Variants in SEPSECS observed in about 807,000 individuals in gnomAD.
SEPSECS encodes O-phosphoseryl-tRNA(Sec) selenium transferase.
SEPSECS carries 42 observed loss-of-function variants against 52.1 expected under a neutral mutation model. The ratio of observed to expected loss-of-function variants is 0.81; its 90% CI spans 0.63 to 1.04. The LOEUF is 1.04. SEPSECS is among the 50% of genes least tolerant of loss of function. SEPSECS has a pLI of 0.00. For missense variants in SEPSECS, 590 were observed against 610.6 expected, an observed-to-expected ratio of 0.97 and a Z score of 0.36; for synonymous variants, 216 against 211.4, an observed-to-expected ratio of 1.02 and a Z score of -0.19.
chr4:25,151,905 T>C (rs183187016), intron 6 of SEPSECS, 55 bp downstream of exon 6: 1 of 940,022 alleles, frequency 1.1e-6, no homozygotes, highest in African/African-American at 1.6e-5. Flanking sequence ...AATAATCCTA[T>C]AATATGTTAA....
At chr4:25,128,699 A>G (rs149558421) in intron 8 of SEPSECS, among the ~76,000 whole-genome samples, 1 of 152,234 alleles carries the variant, frequency 6.6e-6, no homozygotes, top group Non-Finnish European at 1.5e-5. Flanking sequence ...GCCCAACTAC[A>G]TCTGCAGCTA....
rs770368768 is a variant in SEPSECS, at chr4:25,124,168, C to T, written c.1269G>A (p.Met423Ile). ...CACAAGGGTAATTATTTGTATGTGA[C>T]ATAAAGCCTCTGAAAGTATAGCCAC... ...TVSGYTFRGFMSHTNNYPCAY... is the reference protein window; with the variant it reads ...TVSGYTFRGFISHTNNYPCAY... The change falls in exon 11 of 11, where the codon ATG becomes ATA. Residue 423 changes from methionine to isoleucine, a missense_variant. Physicochemically the swap from Met to Ile is conservative, Grantham distance 10. Transcript: ENST00000382103. 1 of 1,613,612 alleles carries T rather than the reference C, an allele frequency of 6.2e-7. No homozygotes were observed. Among genetic ancestry groups the T allele is most frequent in the Non-Finnish European group, 8.5e-7 (1 of 1,179,724 alleles).
At chr4:25,144,751 C>T (rs559312791) in intron 8 of SEPSECS, 23 bp downstream of exon 8, 21 of 1,516,692 alleles carry the variant, frequency 1.4e-5, no homozygotes, top group Admixed American at 1.0e-4. Context: ...GAATGTTATT[C>T]GACACCTAAA....
chr4:25,128,558 G>T lies in SEPSECS; in HGVS notation c.1027-1201C>A, dbSNP rs138258081. Among the ~76,000 whole-genome samples the T allele has an allele frequency of 5.0e-4, 76 of 152,116 alleles. 1 individual carries two copies. The East Asian group carries it at 8.1e-3, about 16-fold the overall frequency. On this transcript the variant is annotated intron_variant, in intron 8 of 10. Coordinates refer to ENST00000382103, the MANE Select transcript of SEPSECS (RefSeq NM_016955.4). ...AATATAATAAAAATGTATTTTACAA[G>T]TATCAAATGTCACATGTATATAAGT...
intron 1 of SEPSECS, chr4:25,159,727 G>A (rs1388618069): frequency 1.2e-6 from 1 of 861,072 alleles, no homozygotes; most frequent in African/African-American, 1.9e-5. Context: ...AGCCGAGATC[G>A]TCACACTGCA....
chr4:25,154,629 T>G (rs1012966579), intron 5 of SEPSECS, among the ~76,000 whole-genome samples: 36 of 152,076 alleles, frequency 2.4e-4, no homozygotes, highest in South Asian at 1.0e-3. Context: ...TTTAATTTAT[T>G]AATACTGATA....
At chr4:25,133,755 C>T (rs532634658) in intron 8 of SEPSECS, among the ~76,000 whole-genome samples, 1 of 151,850 alleles carries the variant, frequency 6.6e-6, no homozygotes, top group Admixed American at 6.6e-5. Flanking sequence ...TTGACTATAT[C>T]CATATAGTTG....
At position 25,120,968 on chromosome 4, in the gene SEPSECS, T is replaced by C. The variant is rs942170048; in HGVS notation, c.*2963A>G. On this transcript the variant is annotated 3_prime_UTR_variant, in exon 11 of 11. Transcript: ENST00000382103. ...CAGTCCTCAATAACAGTTCTTATTATGAGGTGGTTAAAGACACAGAACCAC... is the reference window on the plus strand; with the variant it reads ...CAGTCCTCAATAACAGTTCTTATTACGAGGTGGTTAAAGACACAGAACCAC... The C allele has an allele frequency of 2.0e-5, 3 of 152,152 alleles. No homozygotes were observed. The highest frequency in any genetic ancestry group is 4.4e-5 in the Non-Finnish European group (3 of 67,994). 9.4% of individuals were successfully genotyped at this position (152,152 alleles called of 1,614,324 possible).
rs1237242163 is a variant in SEPSECS, at chr4:25,156,270, T to G, written c.389-75A>C. On this transcript the variant is annotated intron_variant, in intron 3 of 10. Coordinates refer to ENST00000382103, the MANE Select transcript of SEPSECS (RefSeq NM_016955.4). ...CATCCTTCTTGAGGAAATAATATAT[T>G]TCATATATAAAATAGTAAGAGTCGT... The G allele has an allele frequency of 3.8e-6, 5 of 1,326,432 alleles. No individual in the cohort carries two copies. In the Admixed American group the frequency reaches 5.1e-5, roughly 14 times the overall value. 82.2% of individuals were successfully genotyped at this position (1,326,432 alleles called of 1,614,324 possible).
intron 8 of SEPSECS, among the ~76,000 whole-genome samples, chr4:25,134,570 A>G (rs901080866): frequency 6.6e-6 from 1 of 152,152 alleles, no homozygotes; most frequent in Non-Finnish European, 1.5e-5. Flanking sequence ...CAAAGTACTC[A>G]TAATTAAGGA....
chr4:25,155,152 C>T lies in SEPSECS; in HGVS notation c.548-1G>A, dbSNP rs200041461. On this transcript the variant is annotated splice_acceptor_variant, in intron 4 of 10. Coordinates refer to ENST00000382103, the MANE Select transcript of SEPSECS (RefSeq NM_016955.4). LOFTEE classifies it high-confidence loss of function. ...TTTTCTATCACCACAGGCTCAAAAC[C>T]TAACCAAACCAACCAGAAAACAAAA... The T allele has an allele frequency of 8.1e-5, 131 of 1,613,946 alleles. No homozygotes were observed. The highest frequency in any genetic ancestry group is 6.8e-6 in the Non-Finnish European group (8 of 1,180,002).
chr4:25,147,808 T>C (rs1251379702), intron 6 of SEPSECS, among the ~76,000 whole-genome samples: 7 of 152,132 alleles, frequency 4.6e-5, no homozygotes, highest in Non-Finnish European at 1.0e-4. Flanking sequence ...AAAAAATTTA[T>C]TTATACTTTT....
At chr4:25,136,661 G>A (rs898288839) in intron 8 of SEPSECS, among the ~76,000 whole-genome samples, 1 of 152,016 alleles carries the variant, frequency 6.6e-6, no homozygotes. Flanking sequence ...TAGAGTCAAT[G>A]TTATTTTCAT....
In SEPSECS at chr4:25,152,062, T is replaced by A. The variant is rs372486102; in HGVS notation, c.702A>T (p.Arg234Ser). 5 of 1,470,624 alleles carry A rather than the reference T, an allele frequency of 3.4e-6. No individual in the cohort carries two copies. In the African/African-American group the frequency reaches 6.9e-5, roughly 20 times the overall value. 91.1% of individuals were successfully genotyped at this position (1,470,624 alleles called of 1,614,324 possible). The change falls in exon 6 of 11, where the codon AGA (arginine) becomes AGT (serine). Residue 234 changes from arginine (R) to serine (S), a missense_variant and splice_region_variant. Transcript: ENST00000382103. ...CACAAATCACAGCCAGTTCTTCTAA[T>A]CTATAAACATAAATATTCAATAGAA... ...TSCFAPRVPD[R>S]LEELAVICAN...
At chr4:25,128,161 T>C (rs1031736661) in intron 8 of SEPSECS, among the ~76,000 whole-genome samples, 5 of 152,192 alleles carry the variant, frequency 3.3e-5, no homozygotes, top group African/African-American at 9.7e-5. Flanking sequence ...TGTATTTGCT[T>C]AAATGAATAT....
chr4:25,129,043 T>C (rs555255984), intron 8 of SEPSECS, among the ~76,000 whole-genome samples: 31 of 152,342 alleles, frequency 2.0e-4, no homozygotes, highest in African/African-American at 7.0e-4. Flanking sequence ...TATTCTCACC[T>C]AAAAATTTTT....
chr4:25,130,959 G>A (rs1393466233), intron 8 of SEPSECS, among the ~76,000 whole-genome samples: 2 of 152,096 alleles, frequency 1.3e-5, no homozygotes, highest in Non-Finnish European at 2.9e-5. Flanking sequence ...TAAAAGAAAT[G>A]AAATATTATT....
At position 25,150,290 on chromosome 4, in the gene SEPSECS, T is replaced by C. The variant is rs188463800; in HGVS notation, c.804+1670A>G. Among the ~76,000 whole-genome samples, 5 of 152,332 alleles carry C rather than the reference T, an allele frequency of 3.3e-5. No homozygotes were observed. In the East Asian group the frequency reaches 9.6e-4, roughly 29 times the overall value. Reference sequence around the variant, plus strand: ...TCAAAACTGTATGTGTATATTAACATCATTATGCACACAAACTATGTAGTC... The same window carrying C: ...TCAAAACTGTATGTGTATATTAACACCATTATGCACACAAACTATGTAGTC... On this transcript the variant is annotated intron_variant, in intron 6 of 10. Coordinates refer to ENST00000382103, the MANE Select transcript of SEPSECS (RefSeq NM_016955.4).
chr4:25,150,098 A>G (rs1712209760), intron 6 of SEPSECS, among the ~76,000 whole-genome samples: 1 of 152,244 alleles, frequency 6.6e-6, no homozygotes, highest in African/African-American at 2.4e-5. Context: ...ACTATTTCAT[A>G]TAAACCACAT....
Sources: gnomAD v4.1 joint callset for allele counts (sites outside exome capture counted in the v4.1 genomes callset) on GRCh38, gnomAD v4.1.1 for gene constraint, MANE v1.5 for transcripts, NCBI Gene and HGNC (gene_info 2026-07-23, HGNC 2026-07-21) for gene names.